The following MEIKIN variants were observed in gnomAD, a reference collection of about 807,000 sequenced individuals.
MEIKIN encodes the protein meiotic kinetochore factor.
At chr5:131,880,567 C>T (rs1409674445) in intron 8 of MEIKIN, among the ~76,000 whole-genome samples, 1 of 152,202 alleles carries the variant, frequency 6.6e-6, no homozygotes, top group African/African-American at 2.4e-5. Flanking sequence ...CTTAGCAATA[C>T]TACCTTGAAT....
chr5:131,918,166 A>G (rs1250594751), intron 6 of MEIKIN, among the ~76,000 whole-genome samples: 2 of 152,164 alleles, frequency 1.3e-5, no homozygotes, highest in Non-Finnish European at 2.9e-5. Flanking sequence ...CTAAGAAGGG[A>G]CTTGTCTGAG....
At chr5:131,884,088 A>G (rs1322127676) in intron 8 of MEIKIN, among the ~76,000 whole-genome samples, 1 of 151,104 alleles carries the variant, frequency 6.6e-6, no homozygotes, top group Non-Finnish European at 1.5e-5. Flanking sequence ...AGTCTAGGCT[A>G]CAAGGACTGT....
At chr5:131,817,287 C>T (rs553004667) in intron 12 of MEIKIN, among the ~76,000 whole-genome samples, 1 of 152,236 alleles carries the variant, frequency 6.6e-6, no homozygotes, top group East Asian at 1.9e-4. Flanking sequence ...TTTTCAGCCT[C>T]CATAACCACA....
At chr5:131,887,822 A>G (rs1750828904) in intron 8 of MEIKIN, among the ~76,000 whole-genome samples, 1 of 150,836 alleles carries the variant, frequency 6.6e-6, no homozygotes, top group Non-Finnish European at 1.5e-5. Context: ...CTTGTCATTT[A>G]GCATTAGGTA....
intron 11 of MEIKIN, among the ~76,000 whole-genome samples, chr5:131,820,179 C>A (rs1749470713): frequency 6.7e-6 from 1 of 148,508 alleles, no homozygotes; most frequent in Non-Finnish European, 1.5e-5. Context: ...CCAAGTGATT[C>A]TCCTGCCTCA....
intron 8 of MEIKIN, among the ~76,000 whole-genome samples, chr5:131,903,692 T>C (rs1003109044): frequency 6.6e-6 from 1 of 151,928 alleles, no homozygotes; most frequent in African/African-American, 2.4e-5. Context: ...CACACTTAAG[T>C]ACATAGACAA....
intron 8 of MEIKIN, among the ~76,000 whole-genome samples, chr5:131,898,187 G>C (rs1480626203): frequency 2.6e-5 from 4 of 152,214 alleles, no homozygotes. Context: ...GCTGGAGTTT[G>C]CTGGAGGTCC....
intron 8 of MEIKIN, among the ~76,000 whole-genome samples, chr5:131,888,788 G>T: frequency 6.6e-6 from 1 of 152,208 alleles, no homozygotes; most frequent in African/African-American, 2.4e-5. Context: ...CCTTGCCCAT[G>T]CCTACGTCCT....
chr5:131,874,426 T>C (rs1750570728), intron 9 of MEIKIN, among the ~76,000 whole-genome samples: 1 of 150,688 alleles, frequency 6.6e-6, no homozygotes, highest in Non-Finnish European at 1.5e-5. Flanking sequence ...GACACATACA[T>C]CGTCCCAAGA....
intron 9 of MEIKIN, among the ~76,000 whole-genome samples, chr5:131,877,792 G>A (rs574161931): frequency 1.3e-5 from 2 of 152,188 alleles, no homozygotes; most frequent in Non-Finnish European, 2.9e-5. Context: ...CCCATCCACA[G>A]TTTTGTCTAC....
Position 131,846,330 on chromosome 5 carries a change from A to T in MEIKIN, c.975+4934T>A, listed in dbSNP as rs975919696. 9.9e-5 allele frequency among the ~76,000 whole-genome samples: 15 copies of T among 152,238 alleles called. 1 individual carries two copies. In the South Asian group the frequency reaches 2.5e-3, roughly 25 times the overall value. ...TAGACAGTACCTTGAAGTTGTATGA[A>T]GAAATGAAGATCTAAATAAAGGCAA... On this transcript the variant is annotated intron_variant, in intron 11 of 12. Transcript: ENST00000442687.
intron 5 of MEIKIN, among the ~76,000 whole-genome samples, chr5:131,922,437 A>G (rs554823553): frequency 3.9e-5 from 6 of 152,166 alleles, no homozygotes; most frequent in Admixed American, 2.0e-4. Context: ...TTTACATAGC[A>G]TTTACATTGC....
intron 8 of MEIKIN, among the ~76,000 whole-genome samples, chr5:131,899,039 T>C (rs1157360896): frequency 1.3e-5 from 2 of 152,166 alleles, no homozygotes; most frequent in Non-Finnish European, 2.9e-5. Context: ...ACCGGGGCTG[T>C]TCCTGTTCAG....
At chr5:131,913,784 A>G (rs573808413) in intron 7 of MEIKIN, among the ~76,000 whole-genome samples, 1 of 152,260 alleles carries the variant, frequency 6.6e-6, no homozygotes, top group South Asian at 2.1e-4. Context: ...AGACAACATG[A>G]AAACCACATT....
At chr5:131,816,001 G>T (rs1344539672) in intron 12 of MEIKIN, among the ~76,000 whole-genome samples, 1 of 152,178 alleles carries the variant, frequency 6.6e-6, no homozygotes, top group Admixed American at 6.5e-5. Flanking sequence ...GATGTACAAT[G>T]TATTAATAAT....
intron 12 of MEIKIN, among the ~76,000 whole-genome samples, 194 bp downstream of exon 12, chr5:131,818,545 CA>C (rs1178380446): frequency 6.6e-6 from 1 of 152,102 alleles, no homozygotes; most frequent in Non-Finnish European, 1.5e-5. Context: ...CTGAGCTATC[CA>C]AAGTGCTGGG....
chr5:131,850,363 C>A (rs80247823), intron 11 of MEIKIN, among the ~76,000 whole-genome samples: 2,820 of 152,124 alleles, frequency 0.019, 91 homozygotes, highest in African/African-American at 0.064. Flanking sequence ...CTCAAGGGAT[C>A]CTGAATAGTA....
intron 9 of MEIKIN, among the ~76,000 whole-genome samples, chr5:131,867,193 T>TA (rs1216910071): frequency 5.9e-5 from 9 of 152,264 alleles, no homozygotes; most frequent in South Asian, 2.1e-4. Flanking sequence ...ACTGACTTTT[T>TA]AAAAAAAATT....
At chr5:131,816,578 C>T (rs1477481309) in intron 12 of MEIKIN, among the ~76,000 whole-genome samples, 10 of 152,202 alleles carry the variant, frequency 6.6e-5, no homozygotes, top group Non-Finnish European at 1.3e-4. Context: ...AAGTCAATTC[C>T]TTGTTTTATT....
Sources: gnomAD v4.1 joint callset for allele counts (sites outside exome capture counted in the v4.1 genomes callset) on GRCh38, gnomAD v4.1.1 for gene constraint, MANE v1.5 for transcripts, NCBI Gene and HGNC (gene_info 2026-07-23, HGNC 2026-07-21) for gene names.